The following CPSF2 variants were observed in gnomAD, a reference collection of about 807,000 sequenced individuals.
CPSF2 encodes the protein cleavage and polyadenylation specificity factor subunit 2.
A neutral mutation model predicts 84.2 loss-of-function variants in CPSF2; 51 were observed. The observed-to-expected ratio is 0.61, with a 90% CI of 0.48 to 0.77. The LOEUF is 0.77. Ranked by LOEUF, CPSF2 falls within the 30% of genes least tolerant of loss-of-function variation. The probability of loss-of-function intolerance (pLI) is 0.00; values close to 1 mark genes in which losing one functional copy is unlikely to be tolerated. For missense variants in CPSF2, 641 were observed against 929.4 expected (o/e 0.69, Z 4.03); for synonymous variants, 286 against 311.9 (o/e 0.92, Z 0.87).
At chr14:92,161,009 T>C (rs555526388) in intron 14 of CPSF2, 103 bp from the exon 15 acceptor site, 1 of 1,113,870 alleles carries the variant, frequency 9.0e-7, no homozygotes, top group East Asian at 2.7e-5. Context: ...CAGGGAATAA[T>C]AGAAAATCTC....
intron 5 of CPSF2, 34 bp downstream of exon 5, chr14:92,134,389 G>T: frequency 7.2e-7 from 1 of 1,385,240 alleles, no homozygotes; most frequent in South Asian, 1.2e-5. Flanking sequence ...GTATTTAGAT[G>T]AATGGGGTTT....
chr14:92,156,420 A>G (rs918183924), intron 11 of CPSF2, 59 bp from the exon 12 acceptor site: 29 of 1,407,112 alleles, frequency 2.1e-5, no homozygotes, highest in Non-Finnish European at 2.5e-5. Context: ...TACTAGTCAT[A>G]TATGTTATGT....
rs537839072 is a variant in CPSF2 at position 92,162,428 on chromosome 14, T to C, written c.*684T>C. Reference sequence around the variant, plus strand: ...TATAACACCATCATTTGAGTATACATAATTCAAAAGAACTACTTGATGCAG... The same window carrying C: ...TATAACACCATCATTTGAGTATACACAATTCAAAAGAACTACTTGATGCAG... On this transcript the variant is annotated 3_prime_UTR_variant, in exon 16 of 16. Transcript: ENST00000298875. The C allele has an allele frequency of 2.0e-5, 3 of 152,738 alleles. No homozygotes were observed. The highest frequency in any genetic ancestry group is 2.0e-4 in the Admixed American group (3 of 15,298). 9.5% of individuals were successfully genotyped at this position (152,738 alleles called of 1,614,324 possible).
At chr14:92,128,416 G>C (rs2068869878) in intron 2 of CPSF2, among the ~76,000 whole-genome samples, 1 of 152,182 alleles carries the variant, frequency 6.6e-6, no homozygotes, top group South Asian at 2.1e-4. Context: ...CCGGGAGATG[G>C]AGGTGGCAGT....
chr14:92,129,517 T>C (rs1232349631), intron 2 of CPSF2, among the ~76,000 whole-genome samples: 1 of 152,058 alleles, frequency 6.6e-6, no homozygotes, highest in Non-Finnish European at 1.5e-5. Flanking sequence ...TGGCCTTGAG[T>C]AGTGGTAAGA....
chr14:92,142,960 T>C (rs2069097171), intron 8 of CPSF2, 44 bp from the exon 9 acceptor site: 5 of 1,451,780 alleles, frequency 3.4e-6, no homozygotes, highest in Non-Finnish European at 4.7e-6. Context: ...ATTGAAGTTA[T>C]AATATAGTAT....
rs2069091057 is a variant in CPSF2 at position 92,142,478 on chromosome 14, G to A, written c.849+127G>A. 42 of 689,092 alleles carry A rather than the reference G, an allele frequency of 6.1e-5. 1 individual carries two copies. The South Asian group carries it at 9.6e-4, about 16-fold the overall frequency. The allele number at this position is 689,092 out of a possible 1,614,324, so 42.7% of individuals were successfully genotyped here. Reference sequence around the variant, plus strand: ...AGATTGTTAATAAGATGATAACTTGGCATTAACCATTTACTGTCCTGTGTG... The same window carrying A: ...AGATTGTTAATAAGATGATAACTTGACATTAACCATTTACTGTCCTGTGTG... On this transcript the variant is annotated intron_variant, in intron 8 of 15. Coordinates refer to ENST00000298875, the MANE Select transcript of CPSF2 (RefSeq NM_017437.3).
rs1160549286 is a variant in CPSF2 at position 92,142,168 on chromosome 14, T to C, written c.666T>C (p.Asn222=). The C allele has an allele frequency of 6.3e-6, 10 of 1,594,732 alleles. No homozygotes were observed. The highest frequency in any genetic ancestry group is 8.6e-6 in the Non-Finnish European group (10 of 1,168,524). ...TTTTACATTCTTGTTTTCTAGCAAATGTCCTGGAAACACTTCGAGGTGATG... is the reference window on the plus strand; with the variant it reads ...TTTTACATTCTTGTTTTCTAGCAAACGTCCTGGAAACACTTCGAGGTGATG... ...RKQRDEQLLT[N]VLETLRGDGN... The change falls in exon 8 of 16, where the codon AAT becomes AAC. Residue 222 remains asparagine, a synonymous_variant. Coordinates refer to ENST00000298875, the MANE Select transcript of CPSF2 (RefSeq NM_017437.3).
At chr14:92,132,786 AAAAAAC>A (rs1319765725) in intron 3 of CPSF2, among the ~76,000 whole-genome samples, 1 of 150,546 alleles carries the variant, frequency 6.6e-6, no homozygotes, top group African/African-American at 2.5e-5. Flanking sequence ...AAAAAAACAA[AAAAAAC>A]AAAAAGAGTT....
In CPSF2 at chr14:92,166,685, A is replaced by C. The variant is rs1443314426; in HGVS notation, c.*4941A>C. On this transcript the variant is annotated 3_prime_UTR_variant, in exon 16 of 16. Coordinates refer to ENST00000298875, the MANE Select transcript of CPSF2 (RefSeq NM_017437.3). ...TGTATATGGTGTGAGGTAGGGGTCC[A>C]GTTTCATTTTTTTGCATGTGGATAT... 1 of 152,106 alleles carries C rather than the reference A, an allele frequency of 6.6e-6. No homozygotes were observed. The highest frequency in any genetic ancestry group is 1.5e-5 in the Non-Finnish European group (1 of 68,012). 9.4% of individuals were successfully genotyped at this position (152,106 alleles called of 1,614,324 possible). A position where few individuals can be genotyped will look rare whatever the true frequency, so the allele number is the denominator to read the frequency against.
chr14:92,156,940 G>A (rs2069298419), intron 12 of CPSF2, among the ~76,000 whole-genome samples: 1 of 152,124 alleles, frequency 6.6e-6, no homozygotes, highest in Admixed American at 6.6e-5. Flanking sequence ...GCAGGTGAAA[G>A]GGAATAATGT....
rs1208428507 is a variant in CPSF2 at position 92,168,360 on chromosome 14, T to C, written c.*6616T>C. 6.6e-6 allele frequency: 1 copy of C among 152,116 alleles called. No homozygotes were observed. Among genetic ancestry groups the C allele is most frequent in the East Asian group, 1.9e-4 (1 of 5,198 alleles). 9.4% of individuals were successfully genotyped at this position (152,116 alleles called of 1,614,324 possible). A position where few individuals can be genotyped will look rare whatever the true frequency, so the allele number is the denominator to read the frequency against. On this transcript the variant is annotated 3_prime_UTR_variant, in exon 16 of 16. Coordinates refer to ENST00000298875, the MANE Select transcript of CPSF2 (RefSeq NM_017437.3). ...TATTTTTTTACCTCCTCTTTGGTTTTTGTCTCACTTGAAGCACTTTGTGTT... is the reference window on the plus strand; with the variant it reads ...TATTTTTTTACCTCCTCTTTGGTTTCTGTCTCACTTGAAGCACTTTGTGTT...
Position 92,156,612 on chromosome 14 carries a change from A to AC in CPSF2, c.1577dup (p.Glu527ArgfsTer4). On this transcript the variant is annotated frameshift_variant, in exon 12 of 16. Transcript: ENST00000298875. LOFTEE classifies it high-confidence loss of function. ...TGTTCCTACTAAATGTATTTCTACA[A>AC]CAGAGTCTATTGAAATAAAGTAAGT... is the stretch of plus-strand genomic sequence containing the variant. 6.3e-7 allele frequency: 1 copy of AC among 1,592,850 alleles called. No individual in the cohort carries two copies. The highest frequency in any genetic ancestry group is 8.6e-7 in the Non-Finnish European group (1 of 1,167,604).
At chr14:92,155,100 G>T in intron 10 of CPSF2, 23 bp from the exon 11 acceptor site, 1 of 1,500,320 alleles carries the variant, frequency 6.7e-7, no homozygotes, top group Non-Finnish European at 9.3e-7. Context: ...TTATGACCTT[G>T]ATCTATTCTA....
intron 2 of CPSF2, among the ~76,000 whole-genome samples, chr14:92,127,240 T>C (rs998785194): frequency 6.6e-6 from 1 of 152,062 alleles, no homozygotes; most frequent in South Asian, 2.1e-4. Context: ...GGAAATAGAA[T>C]GATGTTGTAA....
intron 7 of CPSF2, among the ~76,000 whole-genome samples, chr14:92,139,443 A>G (rs2069044910): frequency 6.6e-6 from 1 of 151,010 alleles, no homozygotes; most frequent in African/African-American, 2.4e-5. Context: ...ATGAACAAAG[A>G]GCTAAGTGGA....
At chr14:92,124,629 G>A (rs1241796885) in intron 1 of CPSF2, among the ~76,000 whole-genome samples, 5 of 152,126 alleles carry the variant, frequency 3.3e-5, no homozygotes, top group Admixed American at 2.0e-4. Flanking sequence ...TTTATGGTCT[G>A]GAGTCTAGAT....
intron 10 of CPSF2, among the ~76,000 whole-genome samples, chr14:92,154,904 A>G (rs766767964): frequency 1.3e-5 from 2 of 152,210 alleles, no homozygotes; most frequent in Non-Finnish European, 2.9e-5. Context: ...AATGTTAAGT[A>G]TTTGTGTATC....
intron 1 of CPSF2, among the ~76,000 whole-genome samples, chr14:92,124,759 A>C: frequency 6.6e-6 from 1 of 152,184 alleles, no homozygotes; most frequent in East Asian, 1.9e-4. Context: ...TTTAATATGA[A>C]AATGTAAAAT....
Sources: gnomAD v4.1 joint callset for allele counts (sites outside exome capture counted in the v4.1 genomes callset) on GRCh38, gnomAD v4.1.1 for gene constraint, MANE v1.5 for transcripts, NCBI Gene and HGNC (gene_info 2026-07-23, HGNC 2026-07-21) for gene names.